The following STPG2 variants were observed in gnomAD, a reference collection of about 807,000 sequenced individuals.
STPG2 encodes the protein sperm-tail PG-rich repeat-containing protein 2.
STPG2 carries 56 observed loss-of-function variants against 54.2 expected under a neutral mutation model. The observed-to-expected ratio is 1.03, with a 90% CI of 0.83 to 1.29. STPG2 has a LOEUF of 1.29. STPG2 is among the 50% of genes most tolerant of loss of function. The pLI, the probability that STPG2 is intolerant of heterozygous loss-of-function variation, is 0.00. For synonymous variants in STPG2, 200 were observed against 181.8 expected (o/e 1.10, Z -0.81); for missense variants, 596 against 544.9 (o/e 1.09, Z -0.93).
rs3911281 is a variant in STPG2, at chr4:98,116,290, G to A, written c.388-6985C>T. 4.2e-3 allele frequency among the ~76,000 whole-genome samples: 641 copies of A among 151,840 alleles called. 4 individuals carry two copies. Among genetic ancestry groups the A allele is most frequent in the South Asian group, 0.019 (92 of 4,822 alleles). ...GCTTAAAGCAAGAATTACATTTTGA[G>A]ATGTAAGTTATGAGTGATTAGGGAA... On this transcript the variant is annotated intron_variant, in intron 3 of 10. Coordinates refer to ENST00000295268, the MANE Select transcript of STPG2 (RefSeq NM_174952.3).
At chr4:97,534,576 C>A (rs1731487738) in intron 4 of STPG2, among the ~76,000 whole-genome samples, 1 of 151,974 alleles carries the variant, frequency 6.6e-6, no homozygotes, top group Admixed American at 6.6e-5. Flanking sequence ...TTGCACAAAT[C>A]AACTATAGGA....
intron 8 of STPG2, among the ~76,000 whole-genome samples, chr4:97,931,055 G>T (rs1732527529): frequency 6.6e-6 from 1 of 152,136 alleles, no homozygotes; most frequent in South Asian, 2.1e-4. Flanking sequence ...TTTATCTGAA[G>T]TTTTCTATTA....
intron 5 of STPG2, among the ~76,000 whole-genome samples, chr4:98,054,909 C>CAT (rs1374374548): frequency 2.6e-5 from 4 of 152,172 alleles, no homozygotes; most frequent in African/African-American, 9.7e-5. Flanking sequence ...TAGGACAAAA[C>CAT]TAATGTCCTA....
At position 97,561,110 on chromosome 4, in the gene STPG2, C is replaced by A. The variant is rs566452553; in HGVS notation, c.1321-1993G>T. Among the ~76,000 whole-genome samples, 171 of 152,106 alleles carry A rather than the reference C, an allele frequency of 1.1e-3. 3 individuals are homozygous for A. The highest frequency in any genetic ancestry group is 0.01 in the East Asian group (54 of 5,180). Reference sequence around the variant, plus strand: ...TATTTCTCCACATCCTCTCCAGCACCTGTTGTTTCCTGACTTTTTAATGAT... The same window carrying A: ...TATTTCTCCACATCCTCTCCAGCACATGTTGTTTCCTGACTTTTTAATGAT... On this transcript the variant is annotated intron_variant, in intron 10 of 10. Transcript: ENST00000295268.
intron 9 of STPG2, among the ~76,000 whole-genome samples, chr4:97,720,968 T>C (rs1724430456): frequency 6.6e-6 from 1 of 152,024 alleles, no homozygotes; most frequent in African/African-American, 2.4e-5. Flanking sequence ...ACGTCTTCCC[T>C]AAGAGACAAT....
At chr4:97,860,283 T>C (rs1729476624) in intron 8 of STPG2, among the ~76,000 whole-genome samples, 1 of 152,086 alleles carries the variant, frequency 6.6e-6, no homozygotes, top group Admixed American at 6.6e-5. Flanking sequence ...GGTACTTTTA[T>C]GGGAATTGCA....
chr4:97,604,614 C>T (rs1733548280), intron 10 of STPG2, among the ~76,000 whole-genome samples: 1 of 151,634 alleles, frequency 6.6e-6, no homozygotes, highest in Non-Finnish European at 1.5e-5. Flanking sequence ...CAATCTTTAC[C>T]GGTTCTCTCT....
chr4:97,563,253 A>G (rs1351878634), intron 10 of STPG2, among the ~76,000 whole-genome samples: 1 of 152,022 alleles, frequency 6.6e-6, no homozygotes, highest in African/African-American at 2.4e-5. Context: ...GTATTCCCTG[A>G]TGGTAGTTTG....
At chr4:97,937,618 T>G (rs1732795889) in intron 8 of STPG2, among the ~76,000 whole-genome samples, 1 of 152,194 alleles carries the variant, frequency 6.6e-6, no homozygotes, top group East Asian at 1.9e-4. Flanking sequence ...TTGTTTTCCT[T>G]TGAATAGTCA....
chr4:98,140,912 T>C (rs1201343841), intron 1 of STPG2, among the ~76,000 whole-genome samples: 1 of 152,242 alleles, frequency 6.6e-6, no homozygotes, highest in Non-Finnish European at 1.5e-5. Context: ...AAATCACCTG[T>C]ATCTCTTAAG....
intron 7 of STPG2, among the ~76,000 whole-genome samples, chr4:97,946,483 G>C (rs1355305363): frequency 6.6e-6 from 1 of 152,114 alleles, no homozygotes; most frequent in Non-Finnish European, 1.5e-5. Context: ...CCAATGTCCA[G>C]AAGAGTTTTT....
At chr4:97,757,164 A>G (rs1037168959) in intron 9 of STPG2, among the ~76,000 whole-genome samples, 4 of 152,188 alleles carry the variant, frequency 2.6e-5, no homozygotes, top group African/African-American at 9.7e-5. Context: ...CGTATTGCCC[A>G]TGAAGTTGAA....
chr4:97,900,191 A>C (rs1268206115), intron 8 of STPG2, among the ~76,000 whole-genome samples: 1 of 152,206 alleles, frequency 6.6e-6, no homozygotes, highest in Admixed American at 6.5e-5. Context: ...ATCACTAATA[A>C]TTATACAAAT....
chr4:97,757,560 A>G (rs1725767659), intron 9 of STPG2, among the ~76,000 whole-genome samples: 1 of 152,178 alleles, frequency 6.6e-6, no homozygotes, highest in African/African-American at 2.4e-5. Context: ...AACACTTTCT[A>G]TTTTTACTCC....
intron 8 of STPG2, among the ~76,000 whole-genome samples, chr4:97,898,028 T>A (rs1731027629): frequency 6.6e-6 from 1 of 152,176 alleles, no homozygotes; most frequent in Non-Finnish European, 1.5e-5. Context: ...AGGTTTTTTA[T>A]AGTCTTGGGT....
intron 8 of STPG2, among the ~76,000 whole-genome samples, chr4:97,937,691 G>C (rs1038794897): frequency 7.2e-5 from 11 of 152,064 alleles, no homozygotes; most frequent in Non-Finnish European, 1.5e-4. Flanking sequence ...TATTCATCTG[G>C]GTCCCTCCTG....
chr4:97,794,108 C>G (rs894866151), intron 9 of STPG2, among the ~76,000 whole-genome samples: 1 of 151,982 alleles, frequency 6.6e-6, no homozygotes, highest in Non-Finnish European at 1.5e-5. Context: ...TTAAAAGTTA[C>G]ATATAAAATA....
At chr4:97,761,242 T>A (rs111945123) in intron 9 of STPG2, among the ~76,000 whole-genome samples, 94 of 152,310 alleles carry the variant, frequency 6.2e-4, no homozygotes, top group Middle Eastern at 3.4e-3. Context: ...ATTGCAGATG[T>A]TATTAGTTAA....
At chr4:97,742,934 T>G (rs1725309552) in intron 9 of STPG2, among the ~76,000 whole-genome samples, 1 of 151,602 alleles carries the variant, frequency 6.6e-6, no homozygotes, top group Non-Finnish European at 1.5e-5. Context: ...AAATAATATG[T>G]AAAATGAGGG....
Sources: allele counts gnomAD v4.1 joint callset (sites outside exome capture counted in the v4.1 genomes callset), GRCh38; gene constraint gnomAD v4.1.1; transcripts MANE v1.5; gene names NCBI Gene and HGNC (gene_info 2026-07-23, HGNC 2026-07-21).